FGF14: variants seen among roughly 807,000 people sequenced by gnomAD.
FGF14 encodes the protein fibroblast growth factor 14.
In FGF14, 5 loss-of-function variants were observed where a neutral mutation model predicts 25.5. That is an observed-to-expected ratio of 0.20 (90% CI 0.10 to 0.41). FGF14 has a LOEUF of 0.41. FGF14 is among the 10% of genes least tolerant of loss of function. The pLI, the probability that FGF14 is intolerant of heterozygous loss-of-function variation, is 1.00. For synonymous variants in FGF14, 138 were observed against 118.3 expected (o/e 1.17, Z -1.08); for missense variants, 222 against 320.1 (o/e 0.69, Z 2.34).
At chr13:102,199,471 G>A (rs78088065) in intron 1 of FGF14, among the ~76,000 whole-genome samples, 10,114 of 152,230 alleles carry the variant, frequency 0.066, 398 homozygotes, top group Middle Eastern at 0.18. Flanking sequence ...TTTGTGACTT[G>A]ATGAAGATAA....
At chr13:101,824,569 T>C (rs186780464) in intron 3 of FGF14, among the ~76,000 whole-genome samples, 2 of 152,348 alleles carry the variant, frequency 1.3e-5, no homozygotes, top group South Asian at 2.1e-4. Flanking sequence ...TGAGATATGA[T>C]TTTTGATTAA....
At chr13:102,186,407 C>A (rs2048876787) in intron 1 of FGF14, among the ~76,000 whole-genome samples, 1 of 152,082 alleles carries the variant, frequency 6.6e-6, no homozygotes, top group African/African-American at 2.4e-5. Flanking sequence ...TTAATATATG[C>A]CACTAGGTAT....
intron 1 of FGF14, among the ~76,000 whole-genome samples, chr13:102,241,607 C>A (rs1365372027): frequency 6.6e-6 from 1 of 152,158 alleles, no homozygotes; most frequent in Non-Finnish European, 1.5e-5. Context: ...TGTCCACCTG[C>A]TTTGCTAATT....
intron 1 of FGF14, among the ~76,000 whole-genome samples, chr13:102,230,373 T>C (rs1432710409): frequency 1.3e-5 from 2 of 152,186 alleles, no homozygotes; most frequent in Non-Finnish European, 2.9e-5. Flanking sequence ...ATAACCTTTG[T>C]CCTTAAGGAG....
chr13:101,793,241 T>C (rs1180747932), intron 3 of FGF14, among the ~76,000 whole-genome samples: 1 of 152,156 alleles, frequency 6.6e-6, no homozygotes. Flanking sequence ...TTGTTTTACA[T>C]TCCACATATA....
chr13:101,727,547 C>A (rs1473761520), intron 3 of FGF14, among the ~76,000 whole-genome samples: 3 of 152,090 alleles, frequency 2.0e-5, no homozygotes, highest in South Asian at 4.1e-4. Flanking sequence ...ATGCTCAATG[C>A]CATGGTCTGC....
chr13:101,831,744 G>C (rs60072025), intron 3 of FGF14, among the ~76,000 whole-genome samples: 2,733 of 152,176 alleles, frequency 0.018, 76 homozygotes, highest in African/African-American at 0.057. Context: ...AAAGTTGATA[G>C]ATCAATTCCT....
chr13:101,782,467 A>G (rs1195466668), intron 3 of FGF14, among the ~76,000 whole-genome samples: 3 of 152,092 alleles, frequency 2.0e-5, no homozygotes, highest in Non-Finnish European at 2.9e-5. Flanking sequence ...TGTTGCACGG[A>G]TTATTTCATC....
chr13:102,036,381 C>T (rs749528471), intron 1 of FGF14, among the ~76,000 whole-genome samples: 16 of 152,212 alleles, frequency 1.1e-4, no homozygotes, highest in South Asian at 2.1e-4. Flanking sequence ...GACAGTTAGA[C>T]GCAGAACTAT....
At chr13:102,264,447 T>C (rs550410964) in intron 1 of FGF14, among the ~76,000 whole-genome samples, 81 of 152,314 alleles carry the variant, frequency 5.3e-4, no homozygotes, top group African/African-American at 1.9e-3. Context: ...ATATGGCTAT[T>C]AGATCGTCTG....
intron 1 of FGF14, among the ~76,000 whole-genome samples, chr13:101,933,084 G>A (rs980351535): frequency 6.6e-6 from 1 of 152,132 alleles, no homozygotes; most frequent in African/African-American, 2.4e-5. Context: ...ATATGAAGAT[G>A]ACTGAATTAA....
intron 3 of FGF14, among the ~76,000 whole-genome samples, chr13:101,789,762 A>G (rs578074581): frequency 1.3e-5 from 2 of 152,074 alleles, no homozygotes; most frequent in South Asian, 4.1e-4. Context: ...GTTTTCTAAG[A>G]TAAAAAAGTA....
chr13:101,820,203 G>A (rs2042044131), intron 3 of FGF14, among the ~76,000 whole-genome samples: 1 of 152,028 alleles, frequency 6.6e-6, no homozygotes, highest in Non-Finnish European at 1.5e-5. Flanking sequence ...AACATATTAT[G>A]GCAATAAATG....
chr13:101,880,576 TAAC>T (rs1341522656), intron 1 of FGF14, among the ~76,000 whole-genome samples: 1 of 151,922 alleles, frequency 6.6e-6, no homozygotes. Context: ...AAAAACAAAC[TAAC>T]AACAACAAAA....
At chr13:101,886,354 A>G (rs1170720540) in intron 1 of FGF14, among the ~76,000 whole-genome samples, 1 of 152,118 alleles carries the variant, frequency 6.6e-6, no homozygotes, top group African/African-American at 2.4e-5. Context: ...ACATAGACCA[A>G]TGGAACAGAA....
At chr13:102,333,386 C>A (rs1248795086) in intron 1 of FGF14, among the ~76,000 whole-genome samples, 1 of 152,080 alleles carries the variant, frequency 6.6e-6, no homozygotes, top group Non-Finnish European at 1.5e-5. Flanking sequence ...AGAAAGCTGG[C>A]CCATAAAACA....
chr13:102,309,515 A>C (rs1235065330), intron 1 of FGF14, among the ~76,000 whole-genome samples: 1 of 152,226 alleles, frequency 6.6e-6, no homozygotes, highest in Admixed American at 6.5e-5. Flanking sequence ...AAAGAATCAA[A>C]GAGATGAGAA....
intron 1 of FGF14, among the ~76,000 whole-genome samples, chr13:102,059,573 G>T (rs560326537): frequency 6.6e-6 from 1 of 152,190 alleles, no homozygotes; most frequent in Non-Finnish European, 1.5e-5. Context: ...GATTAAAGCA[G>T]GGCACAGTGA....
At chr13:101,899,711 A>T (rs2031271361) in intron 1 of FGF14, among the ~76,000 whole-genome samples, 1 of 152,054 alleles carries the variant, frequency 6.6e-6, no homozygotes, top group Non-Finnish European at 1.5e-5. Context: ...ATAAGGATAT[A>T]TCTACCAGTA....
Sources: gnomAD v4.1 joint callset for allele counts (sites outside exome capture counted in the v4.1 genomes callset) on GRCh38, gnomAD v4.1.1 for gene constraint, MANE v1.5 for transcripts, NCBI Gene and HGNC (gene_info 2026-07-23, HGNC 2026-07-21) for gene names.